Variants in IL1RAPL1 observed in about 807,000 individuals in gnomAD.
The protein encoded by IL1RAPL1 is interleukin 1 receptor accessory protein like 1.
In IL1RAPL1, 3 loss-of-function variants were observed where a neutral mutation model predicts 48.4. The observed-to-expected ratio is 0.06, with a 90% CI of 0.03 to 0.16. The LOEUF is 0.16. IL1RAPL1 is among the 10% of genes least tolerant of loss of function. IL1RAPL1 has a pLI of 1.00. For synonymous variants in IL1RAPL1, 185 were observed against 187.7 expected (o/e 0.99, Z 0.12); for missense variants, 349 against 530.6 (o/e 0.66, Z 3.36).
At chrX:29,831,052 C>G (rs190438035) in intron 6 of IL1RAPL1, among the ~76,000 whole-genome samples, 2 of 111,722 alleles carry the variant, frequency 1.8e-5, no homozygotes, top group African/African-American at 6.5e-5. Context: ...AAATTAGAGA[C>G]AATGTCTCTA....
chrX:29,387,019 A>T (rs1276231008), intron 3 of IL1RAPL1, among the ~76,000 whole-genome samples: 1 of 112,384 alleles, frequency 8.9e-6, no homozygotes, highest in East Asian at 2.8e-4. Flanking sequence ...TTAAGGAAAG[A>T]TATGCTGCAT....
chrX:29,449,164 C>T (rs996995665), intron 5 of IL1RAPL1, among the ~76,000 whole-genome samples: 1 of 111,468 alleles, frequency 9.0e-6, no homozygotes, highest in Non-Finnish European at 1.9e-5. Flanking sequence ...ATAAGGAAAC[C>T]GCGATAGAGA....
intron 1 of IL1RAPL1, among the ~76,000 whole-genome samples, chrX:28,725,875 AT>A (rs1935668960): frequency 8.9e-6 from 1 of 112,518 alleles, no homozygotes; most frequent in South Asian, 3.6e-4. Flanking sequence ...AATTTAAAAA[AT>A]CGAGACTATT....
chrX:29,458,207 T>C (rs970295771), intron 5 of IL1RAPL1, among the ~76,000 whole-genome samples: 4 of 112,523 alleles, frequency 3.6e-5, no homozygotes, highest in African/African-American at 1.3e-4. Flanking sequence ...TTTGCAAATA[T>C]TTTCTGCCAT....
At chrX:29,898,989 C>T (rs751949919) in intron 6 of IL1RAPL1, among the ~76,000 whole-genome samples, 1 of 111,714 alleles carries the variant, frequency 9.0e-6, no homozygotes, top group Admixed American at 9.5e-5. Context: ...TTTTATTGAA[C>T]GAATCTTGAG....
chrX:28,859,333 A>G (rs1253147812), intron 2 of IL1RAPL1, among the ~76,000 whole-genome samples: 1 of 112,153 alleles, frequency 8.9e-6, no homozygotes, highest in East Asian at 2.8e-4. Context: ...ATCTTGGCTC[A>G]CTGCAGCCTC....
intron 1 of IL1RAPL1, among the ~76,000 whole-genome samples, chrX:28,647,395 T>C (rs995529643): frequency 6.3e-5 from 7 of 111,369 alleles, no homozygotes; most frequent in Non-Finnish European, 1.3e-4. Context: ...TGTTCTCTTG[T>C]TTGGCCTTTG....
chrX:29,207,691 T>G (rs1176500950), intron 2 of IL1RAPL1, among the ~76,000 whole-genome samples: 1 of 111,624 alleles, frequency 9.0e-6, no homozygotes, highest in Non-Finnish European at 1.9e-5. Flanking sequence ...TTTTATCATA[T>G]TTGCCTGTAT....
chrX:28,807,415 TATG>T (rs1256802354), intron 2 of IL1RAPL1, among the ~76,000 whole-genome samples: 2 of 111,934 alleles, frequency 1.8e-5, no homozygotes, highest in African/African-American at 6.5e-5. Context: ...TTTTCTTTCT[TATG>T]ATCACCACCT....
chrX:29,374,618 C>T (rs1164177315), intron 3 of IL1RAPL1, among the ~76,000 whole-genome samples: 2 of 109,176 alleles, frequency 1.8e-5, no homozygotes, highest in Non-Finnish European at 3.8e-5. Context: ...TTGTATGGTT[C>T]CTTTCAGAGC....
chrX:29,492,397 G>C (rs1246317573), intron 5 of IL1RAPL1, among the ~76,000 whole-genome samples: 1 of 112,016 alleles, frequency 8.9e-6, no homozygotes, highest in Non-Finnish European at 1.9e-5. Context: ...TCAGAAACCT[G>C]GCACAGGTCT....
At chrX:29,056,903 T>A (rs1270501279) in intron 2 of IL1RAPL1, among the ~76,000 whole-genome samples, 2 of 112,416 alleles carry the variant, frequency 1.8e-5, no homozygotes, top group East Asian at 5.6e-4. Context: ...TTAGTTTTTT[T>A]ATAAATTAAA....
At chrX:29,846,918 T>G (rs1931263440) in intron 6 of IL1RAPL1, among the ~76,000 whole-genome samples, 1 of 110,585 alleles carries the variant, frequency 9.0e-6, no homozygotes, top group African/African-American at 3.3e-5. Context: ...CATATAATAA[T>G]TCATCTCTGC....
At chrX:28,674,263 A>T (rs770881190) in intron 1 of IL1RAPL1, among the ~76,000 whole-genome samples, 1 of 110,266 alleles carries the variant, frequency 9.1e-6, no homozygotes, top group Non-Finnish European at 1.9e-5. Flanking sequence ...TAAAAAAAAA[A>T]CCCAAAACAA....
chrX:28,767,153 C>G (rs1197765796), intron 1 of IL1RAPL1, among the ~76,000 whole-genome samples: 2 of 111,389 alleles, frequency 1.8e-5, no homozygotes, highest in East Asian at 5.6e-4. Flanking sequence ...TTTACATTTC[C>G]AACAGTGTAT....
At chrX:29,048,418 G>A (rs917378835) in intron 2 of IL1RAPL1, among the ~76,000 whole-genome samples, 1 of 112,010 alleles carries the variant, frequency 8.9e-6, no homozygotes, top group African/African-American at 3.2e-5. Context: ...GGTATCAGAT[G>A]TTGAATATTA....
intron 5 of IL1RAPL1, among the ~76,000 whole-genome samples, chrX:29,496,076 T>C (rs922661187): frequency 8.9e-6 from 1 of 111,950 alleles, no homozygotes; most frequent in Admixed American, 9.5e-5. Context: ...TATTTGACTT[T>C]TATTTGAAAC....
At chrX:29,322,934 T>C (rs993252199) in intron 3 of IL1RAPL1, among the ~76,000 whole-genome samples, 6 of 111,841 alleles carry the variant, frequency 5.4e-5, no homozygotes, top group Non-Finnish European at 1.1e-4. Context: ...AACCTTCCCC[T>C]CTCCTTAGCC....
chrX:29,002,141 C>T (rs1925870684), intron 2 of IL1RAPL1, among the ~76,000 whole-genome samples: 1 of 109,921 alleles, frequency 9.1e-6, no homozygotes, highest in South Asian at 4.0e-4. Context: ...ACCTTGTGAT[C>T]TGCCCACCTT....
Sources: gnomAD v4.1 joint callset for allele counts (sites outside exome capture counted in the v4.1 genomes callset) on GRCh38, gnomAD v4.1.1 for gene constraint, MANE v1.5 for transcripts, NCBI Gene and HGNC (gene_info 2026-07-23, HGNC 2026-07-21) for gene names.